Variants in CEP63 observed in about 807,000 individuals in gnomAD.
CEP63 encodes the protein centrosomal protein of 63 kDa.
In CEP63, 84 loss-of-function variants were observed where a neutral mutation model predicts 89.1. That is an observed-to-expected ratio of 0.94 (90% CI 0.79 to 1.13). The LOEUF is 1.13. Ranked by LOEUF, CEP63 falls within the 50% of genes most tolerant of loss-of-function variation. The pLI, the probability that CEP63 is intolerant of heterozygous loss-of-function variation, is 0.00. For missense variants in CEP63, 838 were observed against 813.3 expected (o/e 1.03, Z -0.37); for synonymous variants, 267 against 272.5 (o/e 0.98, Z 0.20).
chr3:134,562,061 TA>T lies in CEP63; in HGVS notation c.*528del. 2.0e-6 allele frequency: 2 copies of T among 995,218 alleles called. No homozygotes were observed. Among genetic ancestry groups the T allele is most frequent in the Non-Finnish European group, 2.4e-6 (2 of 835,936 alleles). The allele number at this position is 995,218 out of a possible 1,614,324, so 61.6% of individuals were successfully genotyped here. ...TGTGTAAAGTCAGGCTGGTAGTGAA[TA>T]AGGGGGGGGTGTGCTAAAGAACCTT... On this transcript the variant is annotated 3_prime_UTR_variant, in exon 15 of 15. Coordinates refer to ENST00000675561, the MANE Select transcript of CEP63 (RefSeq NM_001353108.3).
chr3:134,664,256 G>A, the CEP63 span, among the ~76,000 whole-genome samples: 1 of 152,208 alleles, frequency 6.6e-6, no homozygotes, highest in African/African-American at 2.4e-5. Context: ...TCCCAAGTGA[G>A]TCACAGCTTC....
chr3:134,777,018 A>G, the CEP63 span, among the ~76,000 whole-genome samples: 1 of 152,242 alleles, frequency 6.6e-6, no homozygotes, highest in Non-Finnish European at 1.5e-5. Context: ...ATTAAACATT[A>G]GGAAAGCCAA....
At position 134,562,059 on chromosome 3, in the gene CEP63, A is replaced by C; in HGVS notation, c.*524A>C. ...AGTGTGTAAAGTCAGGCTGGTAGTGAATAAGGGGGGGGTGTGCTAAAGAAC... is the reference window on the plus strand; with the variant it reads ...AGTGTGTAAAGTCAGGCTGGTAGTGCATAAGGGGGGGGTGTGCTAAAGAAC... On this transcript the variant is annotated 3_prime_UTR_variant, in exon 15 of 15. Coordinates refer to ENST00000675561, the MANE Select transcript of CEP63 (RefSeq NM_001353108.3). 1.0e-6 allele frequency: 1 copy of C among 995,808 alleles called. No individual in the cohort carries two copies. Among genetic ancestry groups the C allele is most frequent in the Non-Finnish European group, 1.2e-6 (1 of 836,210 alleles). 61.7% of individuals were successfully genotyped at this position (995,808 alleles called of 1,614,324 possible).
At chr3:134,628,180 A>C in the CEP63 span, 1 of 270,734 alleles carries the variant, frequency 3.7e-6, no homozygotes, top group Non-Finnish European at 7.2e-6. Context: ...CTGCCAGATA[A>C]TGCCGGGATA....
the CEP63 span, among the ~76,000 whole-genome samples, chr3:134,697,337 G>C: frequency 6.6e-6 from 1 of 152,096 alleles, no homozygotes; most frequent in Non-Finnish European, 1.5e-5. Flanking sequence ...ATAACACTGT[G>C]GGATAAAACT....
intron 3 of CEP63, among the ~76,000 whole-genome samples, chr3:134,514,095 A>G (rs923689658): frequency 6.6e-6 from 1 of 152,200 alleles, no homozygotes; most frequent in African/African-American, 2.4e-5. Flanking sequence ...ACAGTTTACA[A>G]TAACAATGTT....
At chr3:134,577,352 C>T (rs1345087065), downstream of CEP63, among the ~76,000 whole-genome samples, 1 of 150,742 alleles carries the variant, frequency 6.6e-6, no homozygotes, top group Non-Finnish European at 1.5e-5. Context: ...TAACAAATGT[C>T]AACATTTCAT....
intron 3 of CEP63, 132 bp downstream of exon 3, chr3:134,507,418 T>C: frequency 1.5e-6 from 1 of 667,558 alleles, no homozygotes; most frequent in African/African-American, 1.8e-5. Context: ...ATAATTCTGC[T>C]GTTTTATTTT....
chr3:134,645,483 G>A, the CEP63 span, among the ~76,000 whole-genome samples: 1 of 152,200 alleles, frequency 6.6e-6, no homozygotes, highest in Non-Finnish European at 1.5e-5. Flanking sequence ...ACCAGGGCTG[G>A]GTGCCTTGGG....
intron 1 of CEP63, among the ~76,000 whole-genome samples, chr3:134,492,614 AT>A (rs1330496779): frequency 7.0e-6 from 1 of 142,312 alleles, no homozygotes; most frequent in African/African-American, 2.6e-5. Flanking sequence ...ATCTTAGACC[AT>A]TTTGATTTCT....
At chr3:134,574,512 C>T (rs1958144745) in intron 11 of CEP63, among the ~76,000 whole-genome samples, 1 of 152,206 alleles carries the variant, frequency 6.6e-6, no homozygotes, top group South Asian at 2.1e-4. Context: ...CCTGCTCCAA[C>T]AAGAAATATA....
the CEP63 span, among the ~76,000 whole-genome samples, chr3:134,669,299 A>G: frequency 6.6e-6 from 1 of 152,102 alleles, no homozygotes; most frequent in Non-Finnish European, 1.5e-5. Flanking sequence ...AGGTGCTGAG[A>G]TTACAGGCGT....
the CEP63 span, chr3:134,608,876 T>C: frequency 7.6e-6 from 12 of 1,577,676 alleles, no homozygotes; most frequent in Middle Eastern, 1.9e-4. Flanking sequence ...GCCAGCTCCA[T>C]GCAGGGGAGG....
At chr3:134,707,957 T>C in the CEP63 span, among the ~76,000 whole-genome samples, 1 of 152,052 alleles carries the variant, frequency 6.6e-6, no homozygotes, top group Non-Finnish European at 1.5e-5. Context: ...GGGCTCACGG[T>C]CTTTCACTGA....
chr3:134,720,535 G>A, the CEP63 span, among the ~76,000 whole-genome samples: 1 of 152,020 alleles, frequency 6.6e-6, no homozygotes, highest in Non-Finnish European at 1.5e-5. Context: ...ACAATTCAGG[G>A]CAAGCCTTAG....
At chr3:134,712,490 A>G in the CEP63 span, among the ~76,000 whole-genome samples, 1 of 152,112 alleles carries the variant, frequency 6.6e-6, no homozygotes, top group African/African-American at 2.4e-5. Context: ...AAATTTCATA[A>G]AACTCCTTTT....
chr3:134,690,914 AATTT>A, the CEP63 span, among the ~76,000 whole-genome samples: 1 of 152,026 alleles, frequency 6.6e-6, no homozygotes, highest in Admixed American at 6.5e-5. Flanking sequence ...ATGCCCAGCT[AATTT>A]TTGTATTTTT....
chr3:134,709,806 A>G, the CEP63 span, among the ~76,000 whole-genome samples: 1 of 152,206 alleles, frequency 6.6e-6, no homozygotes, highest in African/African-American at 2.4e-5. Flanking sequence ...ATTATGAGTC[A>G]CTTGACATCT....
intron 6 of CEP63, among the ~76,000 whole-genome samples, chr3:134,539,673 A>G (rs948489385): frequency 6.6e-6 from 1 of 152,056 alleles, no homozygotes; most frequent in African/African-American, 2.4e-5. Flanking sequence ...GAGTAAGTGG[A>G]TATTAACCTA....
Sources: gnomAD v4.1 joint callset for allele counts (sites outside exome capture counted in the v4.1 genomes callset) on GRCh38, gnomAD v4.1.1 for gene constraint, MANE v1.5 for transcripts, NCBI Gene and HGNC (gene_info 2026-07-23, HGNC 2026-07-21) for gene names.